FBXW2: variants seen among roughly 807,000 people sequenced by gnomAD.
FBXW2 encodes the protein F-box and WD repeat domain containing 2.
A neutral mutation model predicts 46.0 loss-of-function variants in FBXW2; 12 were observed. The observed-to-expected ratio is 0.26, with a 90% CI of 0.17 to 0.42. FBXW2 has a LOEUF of 0.42. Ranked by LOEUF, FBXW2 falls within the 10% of genes least tolerant of loss-of-function variation. The pLI is 1.00. For synonymous variants in FBXW2, 203 were observed against 209.6 expected, an observed-to-expected ratio of 0.97 and a Z score of 0.27; for missense variants, 360 against 537.0, an observed-to-expected ratio of 0.67 and a Z score of 3.26.
At chr9:120,789,366 AAAT>A (rs1303267742) in intron 2 of FBXW2, among the ~76,000 whole-genome samples, 1 of 152,202 alleles carries the variant, frequency 6.6e-6, no homozygotes, top group Non-Finnish European at 1.5e-5. Flanking sequence ...TAACTGTAAC[AAAT>A]AATTTTTTTT....
rs1412977606 is a variant in FBXW2, at chr9:120,759,200, T to A, written c.*5359A>T. On this transcript the variant is annotated 3_prime_UTR_variant, in exon 8 of 8. Transcript: ENST00000608872. ...ACAAAGTCTTAACTACAGAATATAT[T>A]TTTAAGGAAATGCAGCTTTATTACT... The A allele has an allele frequency of 6.6e-6, 1 of 152,198 alleles. No individual in the cohort carries two copies. The highest frequency in any genetic ancestry group is 1.5e-5 in the Non-Finnish European group (1 of 68,026). 9.4% of individuals were successfully genotyped at this position (152,198 alleles called of 1,614,324 possible).
Position 120,758,686 on chromosome 9 carries a change from T to G in FBXW2, c.*5873A>C, listed in dbSNP as rs774673560. The G allele has an allele frequency of 6.6e-6, 1 of 152,206 alleles. No homozygotes were observed. The highest frequency in any genetic ancestry group is 1.5e-5 in the Non-Finnish European group (1 of 68,048). The allele number at this position is 152,206 out of a possible 1,614,324, so 9.4% of individuals were successfully genotyped here. A position where few individuals can be genotyped will look rare whatever the true frequency, so the allele number is the denominator to read the frequency against. On this transcript the variant is annotated 3_prime_UTR_variant, in exon 8 of 8. Coordinates refer to ENST00000608872, the MANE Select transcript of FBXW2 (RefSeq NM_012164.4). Reference sequence around the variant, plus strand: ...TAACTCCTCTAGGCAATGAATCACTTTACCAAGCCACAGCTTTCTCATCTG... The same window carrying G: ...TAACTCCTCTAGGCAATGAATCACTGTACCAAGCCACAGCTTTCTCATCTG...
At chr9:120,778,138 G>A (rs1190876951) in intron 4 of FBXW2, among the ~76,000 whole-genome samples, 1 of 151,624 alleles carries the variant, frequency 6.6e-6, no homozygotes, top group African/African-American at 2.4e-5. Context: ...CCCACCAGAA[G>A]GGTACACACA....
At chr9:120,781,150 C>T (rs1411946367) in intron 3 of FBXW2, among the ~76,000 whole-genome samples, 2 of 152,070 alleles carry the variant, frequency 1.3e-5, no homozygotes, top group African/African-American at 2.4e-5. Context: ...CTGTAAAGGG[C>T]CTGATAGTAA....
chr9:120,766,894 A>G (rs2131284431), intron 7 of FBXW2, among the ~76,000 whole-genome samples: 2 of 152,354 alleles, frequency 1.3e-5, no homozygotes, highest in South Asian at 4.1e-4. Flanking sequence ...TGAGTATCAT[A>G]GGTGCTGAGT....
intron 3 of FBXW2, among the ~76,000 whole-genome samples, chr9:120,781,185 G>A (rs905447728): frequency 6.6e-6 from 1 of 152,176 alleles, no homozygotes; most frequent in South Asian, 2.1e-4. Context: ...GACCTATTGA[G>A]TTGCAATTAC....
In FBXW2 at chr9:120,759,750, A is replaced by G. The variant is rs1264768341; in HGVS notation, c.*4809T>C. 1 of 152,242 alleles carries G rather than the reference A, an allele frequency of 6.6e-6. No individual in the cohort carries two copies. Among genetic ancestry groups the G allele is most frequent in the Non-Finnish European group, 1.5e-5 (1 of 68,042 alleles). The allele number at this position is 152,242 out of a possible 1,614,324, so 9.4% of individuals were successfully genotyped here. A position where few individuals can be genotyped will look rare whatever the true frequency, so the allele number is the denominator to read the frequency against. On this transcript the variant is annotated 3_prime_UTR_variant, in exon 8 of 8. Transcript: ENST00000608872. Reference sequence around the variant, plus strand: ...ATTTATGAAGAGTAGAAGTAGCTGAATTCTTTAGGCTGCAATAATTAAGTG... The same window carrying G: ...ATTTATGAAGAGTAGAAGTAGCTGAGTTCTTTAGGCTGCAATAATTAAGTG...
Position 120,757,360 on chromosome 9 carries a change from C to T in FBXW2, c.*7199G>A, listed in dbSNP as rs1166877710. On this transcript the variant is annotated 3_prime_UTR_variant, in exon 8 of 8. Transcript: ENST00000608872. Reference sequence around the variant, plus strand: ...TCTTCTGTACCTGTAACAGAAAATACTAAGAAAAAATTCCACTGCTTTTGC... The same window carrying T: ...TCTTCTGTACCTGTAACAGAAAATATTAAGAAAAAATTCCACTGCTTTTGC... 2 of 152,156 alleles carry T rather than the reference C, an allele frequency of 1.3e-5. No homozygotes were observed. The highest frequency in any genetic ancestry group is 4.8e-5 in the African/African-American group (2 of 41,442). 9.4% of individuals were successfully genotyped at this position (152,156 alleles called of 1,614,324 possible). A position where few individuals can be genotyped will look rare whatever the true frequency, so the allele number is the denominator to read the frequency against.
chr9:120,784,245 C>T (rs2044673062), intron 3 of FBXW2, among the ~76,000 whole-genome samples: 2 of 152,040 alleles, frequency 1.3e-5, no homozygotes, highest in African/African-American at 4.8e-5. Flanking sequence ...TTCCCATTTA[C>T]TTCCACTCCA....
chr9:120,773,740 A>ATTTCATTTCGTGTTCC (rs2044430275), intron 5 of FBXW2, among the ~76,000 whole-genome samples: 1 of 152,178 alleles, frequency 6.6e-6, no homozygotes, highest in Non-Finnish European at 1.5e-5. Flanking sequence ...CTGTCCCAAC[A>ATTTCATTTCGTGTTCC]TTTCATTTCG....
Position 120,764,491 on chromosome 9 carries a change from C to T in FBXW2, c.*68G>A, listed in dbSNP as rs918986529. 93 of 1,527,328 alleles carry T rather than the reference C, an allele frequency of 6.1e-5. No individual in the cohort carries two copies. In the South Asian group the frequency reaches 9.4e-4, roughly 15 times the overall value. The allele number at this position is 1,527,328 out of a possible 1,614,324, so 94.6% of individuals were successfully genotyped here. ...AACTTTGGTTCATGCAGTCGGCTGC[C>T]GCAGAGGTTGCACCCAAAACCCGCA... On this transcript the variant is annotated 3_prime_UTR_variant, in exon 8 of 8. Transcript: ENST00000608872.
intron 2 of FBXW2, 181 bp downstream of exon 2, chr9:120,792,968 T>C: frequency 6.5e-7 from 1 of 1,533,624 alleles, no homozygotes. Flanking sequence ...TTCATCGTCT[T>C]TCAAACGTTT....
intron 5 of FBXW2, 149 bp from the exon 6 acceptor site, chr9:120,772,989 T>A: frequency 4.8e-6 from 3 of 627,730 alleles, no homozygotes; most frequent in Non-Finnish European, 8.3e-6. Flanking sequence ...CTACTAAAAG[T>A]TTTACTACAA....
intron 2 of FBXW2, among the ~76,000 whole-genome samples, chr9:120,791,424 G>A (rs1343984940): frequency 6.6e-6 from 1 of 152,156 alleles, no homozygotes; most frequent in Non-Finnish European, 1.5e-5. Context: ...GTGATTATGG[G>A]CATGTCCAAC....
chr9:120,780,253 G>A (rs956938123), intron 3 of FBXW2, among the ~76,000 whole-genome samples: 1 of 151,606 alleles, frequency 6.6e-6, no homozygotes, highest in African/African-American at 2.4e-5. Context: ...AGCTACTCAG[G>A]AGGCTGAGGC....
rs1295826404 is a variant in FBXW2 at position 120,762,130 on chromosome 9, A to C, written c.*2429T>G. 1 of 152,272 alleles carries C rather than the reference A, an allele frequency of 6.6e-6. No individual in the cohort carries two copies. 9.4% of individuals were successfully genotyped at this position (152,272 alleles called of 1,614,324 possible). A position where few individuals can be genotyped will look rare whatever the true frequency, so the allele number is the denominator to read the frequency against. On this transcript the variant is annotated 3_prime_UTR_variant, in exon 8 of 8. Coordinates refer to ENST00000608872, the MANE Select transcript of FBXW2 (RefSeq NM_012164.4). ...CAAGGCAGGTGGATGACCTGAGGTCAGGAGTTCAAGACCAGCCTGGCCAAC... is the reference window on the plus strand; with the variant it reads ...CAAGGCAGGTGGATGACCTGAGGTCCGGAGTTCAAGACCAGCCTGGCCAAC...
chr9:120,775,986 A>G, intron 5 of FBXW2, 107 bp downstream of exon 5: 1 of 1,349,646 alleles, frequency 7.4e-7, no homozygotes, highest in African/African-American at 1.5e-5. Context: ...TAGGTACAGC[A>G]ATTCCATCTT....
Position 120,788,223 on chromosome 9 carries a change from G to C in FBXW2, c.36C>G (p.Asn12Lys). The C allele has an allele frequency of 1.2e-6, 2 of 1,613,982 alleles. No homozygotes were observed. Among genetic ancestry groups the C allele is most frequent in the South Asian group, 1.1e-5 (1 of 91,088 alleles). ...ERKDFETWLD[N>K]ISVTFLSLTD... ...TCAGAGAAAGAAATGTAACAGAAAT[G>C]TTATCAAGCCATGTCTCAAAGTCCT... The change falls in exon 3 of 8, where the codon AAC becomes AAG. Residue 12 changes from asparagine (N) to lysine (K), a missense_variant. By Grantham distance (94) the Asn-to-Lys change is moderately conservative. Transcript: ENST00000608872.
At position 120,761,479 on chromosome 9, in the gene FBXW2, T is replaced by G. The variant is rs1270434662; in HGVS notation, c.*3080A>C. ...TACCTATGCGCTAAGGAAGCCAAAG[T>G]CAGTGTGTGCAAGAGCTAGCTCTCA... On this transcript the variant is annotated 3_prime_UTR_variant, in exon 8 of 8. Coordinates refer to ENST00000608872, the MANE Select transcript of FBXW2 (RefSeq NM_012164.4). 6.6e-6 allele frequency: 1 copy of G among 152,150 alleles called. No individual in the cohort carries two copies. Among genetic ancestry groups the G allele is most frequent in the East Asian group, 1.9e-4 (1 of 5,198 alleles). 9.4% of individuals were successfully genotyped at this position (152,150 alleles called of 1,614,324 possible).
Sources: allele counts gnomAD v4.1 joint callset (sites outside exome capture counted in the v4.1 genomes callset), GRCh38; gene constraint gnomAD v4.1.1; transcripts MANE v1.5; gene names NCBI Gene and HGNC (gene_info 2026-07-23, HGNC 2026-07-21).